Variants in SLC25A23 observed in about 807,000 individuals in gnomAD.
The protein encoded by SLC25A23 is solute carrier family 25 member 23.
Under a neutral mutation model 53.9 loss-of-function variants are expected in SLC25A23, and 32 were observed. That is an observed-to-expected ratio of 0.59 (90% CI 0.45 to 0.80). The LOEUF (loss-of-function observed/expected upper bound fraction) is 0.80. SLC25A23 is among the 30% of genes least tolerant of loss of function. The probability of loss-of-function intolerance (pLI) is 0.00; values close to 1 mark genes in which losing one functional copy is unlikely to be tolerated. For synonymous variants in SLC25A23, 275 were observed against 264.5 expected (o/e 1.04, Z -0.38); for missense variants, 575 against 651.4 (o/e 0.88, Z 1.28).
rs1484278157 is a variant in SLC25A23, at chr19:6,441,938, G to T, written c.*37C>A. 15 of 1,570,338 alleles carry T rather than the reference G, an allele frequency of 9.6e-6. No individual in the cohort carries two copies. Among genetic ancestry groups the T allele is most frequent in the East Asian group, 6.8e-5 (3 of 44,392 alleles). Reference sequence around the variant, plus strand: ...CATCAGTCTCCAGTGGCTGAGGTGTGGGGGGTGAGGGATTGGGGGGACGGG... The same window carrying T: ...CATCAGTCTCCAGTGGCTGAGGTGTTGGGGGTGAGGGATTGGGGGGACGGG... On this transcript the variant is annotated 3_prime_UTR_variant, in exon 10 of 10. Transcript: ENST00000301454.
chr19:6,439,265 T>C (rs1599278685), downstream of SLC25A23, among the ~76,000 whole-genome samples: 1 of 152,020 alleles, frequency 6.6e-6, no homozygotes, highest in South Asian at 2.1e-4. Context: ...CTGCGGTCCC[T>C]GTGGTCCCAG....
chr19:6,444,140 C>A lies in SLC25A23; in HGVS notation c.1222+11G>T. On this transcript the variant is annotated intron_variant, in intron 9 of 9. Transcript: ENST00000301454. ...GACTCCCCCTGCCCCATCCTCCCGC[C>A]CAGGCCTCACCTTGTGCCTGCATGC... The A allele has an allele frequency of 6.4e-7, 1 of 1,559,306 alleles. No homozygotes were observed. Among genetic ancestry groups the A allele is most frequent in the Non-Finnish European group, 8.7e-7 (1 of 1,147,658 alleles).
At chr19:6,456,236 A>G (rs1208572988) in intron 4 of SLC25A23, 184 bp downstream of exon 4, 1 of 985,124 alleles carries the variant, frequency 1.0e-6, no homozygotes, top group Non-Finnish European at 1.5e-6. Flanking sequence ...AGATGTCCCA[A>G]ATGGGACCCT....
chr19:6,444,185 C>T lies in SLC25A23; in HGVS notation c.1188G>A (p.Pro396=), dbSNP rs138598051. The change falls in exon 9 of 10, where the codon CCG becomes CCA. Residue 396 remains proline (P), a synonymous_variant. Transcript: ENST00000301454. ...GCATGCGGGTCCGGACCAGGGCCAG[C>T]GGGTAACTGGCTATCTGGCCGCAGG... ...SSTCGQIASY[P]LALVRTRMQA... is the part of the protein sequence containing the mutation. The T allele has an allele frequency of 3.9e-5, 62 of 1,596,942 alleles. No individual in the cohort carries two copies. The highest frequency in any genetic ancestry group is 8.7e-5 in the Admixed American group (5 of 57,190).
In SLC25A23 at chr19:6,459,702, C is replaced by CA; in HGVS notation, c.-75_-74insT. 8.3e-7 allele frequency: 1 copy of CA among 1,198,460 alleles called. No individual in the cohort carries two copies. Among genetic ancestry groups the CA allele is most frequent in the Non-Finnish European group, 1.0e-6 (1 of 957,476 alleles). The allele number at this position is 1,198,460 out of a possible 1,614,324, so 74.2% of individuals were successfully genotyped here. A position where few individuals can be genotyped will look rare whatever the true frequency, so the allele number is the denominator to read the frequency against. On this transcript the variant is annotated 5_prime_UTR_variant, in exon 1 of 10. Transcript: ENST00000301454. The surrounding 1 kb of genome is among the most constrained non-coding windows in gnomAD (Gnocchi z 4.6). ...GGGGCTTCGCGGCTCCCCCTCCCCCCCCGGGACCCCGCAGGGTCAGCTCCC... is the reference window on the plus strand; with the variant it reads ...GGGGCTTCGCGGCTCCCCCTCCCCCCACCGGGACCCCGCAGGGTCAGCTCCC...
At chr19:6,457,686 C>G in intron 2 of SLC25A23, 96 bp from the exon 3 acceptor site, 1 of 1,083,292 alleles carries the variant, frequency 9.2e-7, no homozygotes, top group Non-Finnish European at 1.4e-6. Flanking sequence ...TGGAGGTGGT[C>G]TAGCAAGATC....
chr19:6,455,622 T>C (rs2092667985), intron 4 of SLC25A23, among the ~76,000 whole-genome samples: 1 of 151,656 alleles, frequency 6.6e-6, no homozygotes, highest in East Asian at 1.9e-4. Flanking sequence ...ACATTGCTCA[T>C]AGACATTTCA....
At chr19:6,438,358 T>TA (rs2092361861), downstream of SLC25A23, 1 of 152,140 alleles carries the variant, frequency 6.6e-6, no homozygotes, top group Non-Finnish European at 1.5e-5. Context: ...CAGACACACA[T>TA]AAGGGAGCAT....
chr19:6,444,654 C>CT (rs2092476792), intron 8 of SLC25A23, among the ~76,000 whole-genome samples: 1 of 152,034 alleles, frequency 6.6e-6, no homozygotes, highest in Non-Finnish European at 1.5e-5. Flanking sequence ...AAGGGTCCTT[C>CT]TTTTTTTAAA....
Position 6,456,550 on chromosome 19 carries a change from G to C in SLC25A23, c.372-19C>G. The C allele has an allele frequency of 6.2e-7, 1 of 1,603,002 alleles. No individual in the cohort carries two copies. The highest frequency in any genetic ancestry group is 8.5e-7 in the Non-Finnish European group (1 of 1,170,698). On this transcript the variant is annotated intron_variant, in intron 3 of 9. Transcript: ENST00000301454. ...GTCCATGCTGGGGGGAAGAAAGGGG[G>C]TGGAGGAGGACAGGTTCAGTGCCTG...
downstream of SLC25A23, among the ~76,000 whole-genome samples, chr19:6,439,206 C>T (rs1225213523): frequency 2.6e-5 from 4 of 151,748 alleles, no homozygotes; most frequent in East Asian, 2.0e-4. Context: ...GGTGACAGAG[C>T]GAGACCCTGT....
rs772031794 is a variant in SLC25A23 at position 6,442,152 on chromosome 19, G to A, written c.1230C>T (p.Ile410=). The change falls in exon 10 of 10, where the codon ATC becomes ATT. Residue 410 remains isoleucine (I), a synonymous_variant. Transcript: ENST00000301454. ...GCATGGACAGCTGGGGGCCACCCTC[G>A]ATGGAGGCTGGGAGGGGGCGGGGGG... ...VRTRMQAQAS[I]EGGPQLSMLG... is the part of the protein sequence containing the mutation. 11 of 1,382,288 alleles carry A rather than the reference G, an allele frequency of 8.0e-6. No homozygotes were observed. The highest frequency in any genetic ancestry group is 4.6e-5 in the African/African-American group (3 of 65,384). The allele number at this position is 1,382,288 out of a possible 1,614,324, so 85.6% of individuals were successfully genotyped here. A position where few individuals can be genotyped will look rare whatever the true frequency, so the allele number is the denominator to read the frequency against.
At position 6,454,846 on chromosome 19, in the gene SLC25A23, G is replaced by T; in HGVS notation, c.484-129C>A. 1 of 1,114,320 alleles carries T rather than the reference G, an allele frequency of 9.0e-7. No individual in the cohort carries two copies. Among genetic ancestry groups the T allele is most frequent in the Admixed American group, 2.6e-5 (1 of 38,050 alleles). 69.0% of individuals were successfully genotyped at this position (1,114,320 alleles called of 1,614,324 possible). On this transcript the variant is annotated intron_variant, in intron 4 of 9. Coordinates refer to ENST00000301454, the MANE Select transcript of SLC25A23 (RefSeq NM_024103.3). The surrounding 1 kb of genome is among the most constrained non-coding windows in gnomAD (Gnocchi z 4.3). ...AGTCTGCCAATGACTCTTGCTTGGAGACCCCAGAAGAGTCCTGTTGGGTCC... is the reference window on the plus strand; with the variant it reads ...AGTCTGCCAATGACTCTTGCTTGGATACCCCAGAAGAGTCCTGTTGGGTCC...
downstream of SLC25A23, among the ~76,000 whole-genome samples, chr19:6,439,020 G>A (rs2092373935): frequency 6.6e-6 from 1 of 151,918 alleles, no homozygotes; most frequent in South Asian, 2.1e-4. Flanking sequence ...CAGCCTGGGC[G>A]ACAGAGCGAG....
At chr19:6,446,752 C>T (rs2092510726) in intron 8 of SLC25A23, among the ~76,000 whole-genome samples, 1 of 152,152 alleles carries the variant, frequency 6.6e-6, no homozygotes, top group East Asian at 1.9e-4. Flanking sequence ...AATCATGTCC[C>T]TCCTTTGGGG....
chr19:6,456,097 G>A (rs778859492), intron 4 of SLC25A23: 382 of 1,391,816 alleles, frequency 2.7e-4, no homozygotes, highest in Non-Finnish European at 3.3e-4. Flanking sequence ...AGAGAGCTGT[G>A]TGGGTGGAAG....
chr19:6,456,476 G>T lies in SLC25A23; in HGVS notation c.427C>A (p.Leu143Met), dbSNP rs372420203. 15 of 1,613,966 alleles carry T rather than the reference G, an allele frequency of 9.3e-6. No individual in the cohort carries two copies. Among genetic ancestry groups the T allele is most frequent in the Non-Finnish European group, 1.3e-5 (15 of 1,180,012 alleles). ...IDWQEWRDHFLLHSLENVEDV... is the reference protein window; with the variant it reads ...IDWQEWRDHFMLHSLENVEDV... ...TCCACATTTTCCAGCGAATGCAACA[G>T]GAAGTGGTCGCGCCATTCTTGCCAG... is the stretch of plus-strand genomic sequence containing the variant. The change falls in exon 4 of 10, where the codon CTG becomes ATG. Residue 143 changes from leucine to methionine, a missense_variant. Physicochemically the swap from Leu to Met is conservative, Grantham distance 15 (BLOSUM62 2). Coordinates refer to ENST00000301454, the MANE Select transcript of SLC25A23 (RefSeq NM_024103.3).
At chr19:6,445,010 T>C (rs150870010) in intron 8 of SLC25A23, among the ~76,000 whole-genome samples, 2,284 of 152,086 alleles carry the variant, frequency 0.015, 66 homozygotes, top group African/African-American at 0.051. Flanking sequence ...ACTATGTTGC[T>C]CAGGCTGGTC....
intron 8 of SLC25A23, among the ~76,000 whole-genome samples, chr19:6,450,021 C>A (rs899422752): frequency 6.6e-6 from 1 of 151,398 alleles, no homozygotes; most frequent in Admixed American, 6.6e-5. Context: ...CCACGCTCGG[C>A]TAATTTTTGT....
Sources: gnomAD v4.1 joint callset for allele counts (sites outside exome capture counted in the v4.1 genomes callset) on GRCh38, gnomAD v4.1.1 for gene constraint, Gnocchi (gnomAD v3.1) non-coding constraint, MANE v1.5 for transcripts, NCBI Gene and HGNC (gene_info 2026-07-23, HGNC 2026-07-21) for gene names.